PPP5C: variants seen among roughly 807,000 people sequenced by gnomAD.
PPP5C encodes protein phosphatase 5 catalytic subunit, also known as serine/threonine-protein phosphatase 5.
PPP5C carries 21 observed loss-of-function variants against 66.7 expected under a neutral mutation model. That is an observed-to-expected ratio of 0.31 (90% CI 0.22 to 0.45). The LOEUF (loss-of-function observed/expected upper bound fraction) is 0.45, where lower values mean the gene tolerates loss of function less well. Ranked by LOEUF, PPP5C falls within the 20% of genes least tolerant of loss-of-function variation. PPP5C has a pLI of 1.00. For synonymous variants in PPP5C, 246 were observed against 257.4 expected (o/e 0.96, Z 0.43); for missense variants, 464 against 675.9 (o/e 0.69, Z 3.48).
rs1568576075 is a variant in PPP5C, at chr19:46,383,332, AT to A, written c.634-78del. On this transcript the variant is annotated intron_variant, in intron 4 of 12. Transcript: ENST00000012443. The surrounding 1 kb of genome is among the most constrained non-coding windows in gnomAD (Gnocchi z 5.0). Reference sequence around the variant, plus strand: ...CTCGCCCTCAGCCCAGCAGCGTCTCATGGGCAGTCCAGGCTTTCGGGGCCAG... The same window carrying A: ...CTCGCCCTCAGCCCAGCAGCGTCTCAGGGCAGTCCAGGCTTTCGGGGCCAG... 1 of 1,568,268 alleles carries A rather than the reference AT, an allele frequency of 6.4e-7. No individual in the cohort carries two copies.
chr19:46,348,162 T>C (rs2147355315), intron 1 of PPP5C, among the ~76,000 whole-genome samples: 1 of 151,998 alleles, frequency 6.6e-6, no homozygotes, highest in East Asian at 1.9e-4. Context: ...AAGCAGCCTG[T>C]GCAAAGGCCC....
At chr19:46,348,866 G>C (rs1972132667) in intron 1 of PPP5C, among the ~76,000 whole-genome samples, 1 of 152,170 alleles carries the variant, frequency 6.6e-6, no homozygotes, top group African/African-American at 2.4e-5. Flanking sequence ...CCTTTAGTCC[G>C]ATGCTGCCAA....
intron 2 of PPP5C, among the ~76,000 whole-genome samples, chr19:46,374,448 G>T (rs867375031): frequency 6.6e-6 from 1 of 152,016 alleles, no homozygotes; most frequent in Non-Finnish European, 1.5e-5. Context: ...TCAGACGGGG[G>T]TCTACGTGAC....
At chr19:46,366,287 C>T (rs187933581) in intron 2 of PPP5C, among the ~76,000 whole-genome samples, 6 of 152,164 alleles carry the variant, frequency 3.9e-5, no homozygotes, top group African/African-American at 1.4e-4. Context: ...GAATTGCAGC[C>T]CTGGAAACAC....
chr19:46,363,471 C>G (rs1224109781), intron 2 of PPP5C, among the ~76,000 whole-genome samples: 1 of 150,838 alleles, frequency 6.6e-6, no homozygotes, highest in Non-Finnish European at 1.5e-5. Context: ...CACTCTGTCG[C>G]CAGGCTGGAG....
Position 46,388,401 on chromosome 19 carries a change from C to T in PPP5C, c.1136-7C>T, listed in dbSNP as rs753065319. ...GAGTCCCTAATGTTTCCCTCGCTCC[C>T]CACCAGGGCCCATGTGTGACCTGCT... On this transcript the variant is annotated splice_region_variant and splice_polypyrimidine_tract_variant and intron_variant, in intron 9 of 12. Coordinates refer to ENST00000012443, the MANE Select transcript of PPP5C (RefSeq NM_006247.4). This position sits in a 1 kb window ranked among gnomAD's most constrained non-coding sequence, Gnocchi z 4.9. The T allele has an allele frequency of 8.7e-6, 14 of 1,609,310 alleles. No homozygotes were observed. The highest frequency in any genetic ancestry group is 1.2e-5 in the Non-Finnish European group (14 of 1,176,710).
Position 46,383,213 on chromosome 19 carries a change from G to A in PPP5C, c.634-198G>A, listed in dbSNP as rs758934628. ...AAAACAATCGCAATGCTTCGGCACT[G>A]CACAGGCCACAGAAGCCTGCGGCTG... On this transcript the variant is annotated intron_variant, in intron 4 of 12. Coordinates refer to ENST00000012443, the MANE Select transcript of PPP5C (RefSeq NM_006247.4). This position sits in a 1 kb window ranked among gnomAD's most constrained non-coding sequence, Gnocchi z 5.0. The A allele has an allele frequency of 5.0e-5, 77 of 1,533,058 alleles. No homozygotes were observed. Among genetic ancestry groups the A allele is most frequent in the Admixed American group, 4.5e-4 (23 of 50,798 alleles). The allele number at this position is 1,533,058 out of a possible 1,614,324, so 95.0% of individuals were successfully genotyped here.
At chr19:46,380,808 C>T (rs559686960) in intron 4 of PPP5C, among the ~76,000 whole-genome samples, 2 of 152,138 alleles carry the variant, frequency 1.3e-5, no homozygotes, top group Non-Finnish European at 2.9e-5. Flanking sequence ...ATATAGTCTG[C>T]TTTTTTCTTC....
chr19:46,347,552 G>A (rs1366369870), intron 1 of PPP5C, among the ~76,000 whole-genome samples: 2 of 151,360 alleles, frequency 1.3e-5, no homozygotes, highest in Admixed American at 6.6e-5. Flanking sequence ...GTGGGGGAGT[G>A]ATTGATGGCG....
chr19:46,388,352 G>C lies in PPP5C; in HGVS notation c.1136-56G>C. On this transcript the variant is annotated intron_variant, in intron 9 of 12. Coordinates refer to ENST00000012443, the MANE Select transcript of PPP5C (RefSeq NM_006247.4). This position sits in a 1 kb window ranked among gnomAD's most constrained non-coding sequence, Gnocchi z 4.9. The stretch of plus-strand genomic sequence containing the variant: ...GGCCGGGCCAGGAGGTGGCCTGTGA[G>C]TGACCACCCCCGGGGAGGTGGACGA... 6.4e-7 allele frequency: 1 copy of C among 1,553,316 alleles called. No homozygotes were observed.
At chr19:46,353,635 GGGTAGCCCT>G (rs1349260369) in intron 1 of PPP5C, 104 bp from the exon 2 acceptor site, 9 of 1,474,118 alleles carry the variant, frequency 6.1e-6, no homozygotes, top group Non-Finnish European at 8.3e-6. Context: ...TCTGGGCTCA[GGGTAGCCCT>G]CAGCTTCCCC....
chr19:46,357,160 A>G (rs1426302372), intron 2 of PPP5C, among the ~76,000 whole-genome samples: 1 of 152,126 alleles, frequency 6.6e-6, no homozygotes, highest in African/African-American at 2.4e-5. Flanking sequence ...CGATCCTCCC[A>G]CCTCAGCCTC....
chr19:46,376,528 A>G lies in PPP5C; in HGVS notation c.587A>G (p.Gln196Arg), dbSNP rs1284090326. Residue 196 changes from glutamine to arginine, a missense_variant, in exon 4 of 13, where the codon CAG (glutamine) becomes CGG (arginine). Coordinates refer to ENST00000012443, the MANE Select transcript of PPP5C (RefSeq NM_006247.4). The surrounding 1 kb of genome is among the most constrained non-coding windows in gnomAD (Gnocchi z 5.1). ...ATCAGTTTCATGAAGGAGCTCATGC[A>G]GTGGTACAAGGACCAGAAGAAACTG... is the stretch of plus-strand genomic sequence containing the variant. ...VTISFMKELMQWYKDQKKLHR... is the reference protein window; with the variant it reads ...VTISFMKELMRWYKDQKKLHR... The G allele has an allele frequency of 8.7e-6, 14 of 1,613,964 alleles. No individual in the cohort carries two copies. Among genetic ancestry groups the G allele is most frequent in the Non-Finnish European group, 1.1e-5 (13 of 1,179,934 alleles).
rs147099901 is a variant in PPP5C, at chr19:46,354,823, G to A, written c.363+834G>A. On this transcript the variant is annotated intron_variant, in intron 2 of 12. Transcript: ENST00000012443. ...AAAAAAAAAACAAGAAGGGTGATAT[G>A]CTGCCAGGGACAGCAGACAGGATAT... 1.9e-3 allele frequency among the ~76,000 whole-genome samples: 284 copies of A among 152,050 alleles called. 2 individuals are homozygous for A. Among genetic ancestry groups the A allele is most frequent in the African/African-American group, 6.0e-3 (250 of 41,512 alleles).
intron 2 of PPP5C, among the ~76,000 whole-genome samples, chr19:46,366,324 G>A (rs1012174794): frequency 1.8e-4 from 27 of 152,086 alleles, no homozygotes; most frequent in African/African-American, 6.0e-4. Context: ...AAGAGCACTG[G>A]AGAACAAGGG....
Position 46,390,956 on chromosome 19 carries a change from C to T in PPP5C, c.*610C>T. 2.5e-6 allele frequency: 3 copies of T among 1,182,762 alleles called. No individual in the cohort carries two copies. The highest frequency in any genetic ancestry group is 3.2e-6 in the Non-Finnish European group (3 of 935,840). 73.3% of individuals were successfully genotyped at this position (1,182,762 alleles called of 1,614,324 possible). A position where few individuals can be genotyped will look rare whatever the true frequency, so the allele number is the denominator to read the frequency against. On this transcript the variant is annotated 3_prime_UTR_variant, in exon 13 of 13. Coordinates refer to ENST00000012443, the MANE Select transcript of PPP5C (RefSeq NM_006247.4). ...GCCGCAAAGTCCCGCTGGCCGGGCC[C>T]ACCCAGCTCTGGGCTGACCGCCCAA...
At chr19:46,350,841 G>A (rs543980097) in intron 1 of PPP5C, among the ~76,000 whole-genome samples, 51 of 152,258 alleles carry the variant, frequency 3.3e-4, no homozygotes, top group African/African-American at 1.2e-3. Flanking sequence ...CCACGTTCAG[G>A]TTCCTCCCAG....
At chr19:46,357,723 A>G (rs1601415825) in intron 2 of PPP5C, among the ~76,000 whole-genome samples, 1 of 152,216 alleles carries the variant, frequency 6.6e-6, no homozygotes, top group East Asian at 1.9e-4. Context: ...CCAGCTTATT[A>G]TAAAGGCTGC....
intron 2 of PPP5C, among the ~76,000 whole-genome samples, chr19:46,359,841 G>A (rs1325304615): frequency 4.7e-5 from 7 of 149,770 alleles, no homozygotes; most frequent in South Asian, 2.1e-4. Context: ...GTGCAATGGC[G>A]CAAACTCGGC....
Sources: allele counts gnomAD v4.1 joint callset (sites outside exome capture counted in the v4.1 genomes callset), GRCh38; gene constraint gnomAD v4.1.1; non-coding constraint Gnocchi (gnomAD v3.1); transcripts MANE v1.5; gene names NCBI Gene and HGNC (gene_info 2026-07-23, HGNC 2026-07-21).